SLC71A2: variants seen among roughly 807,000 people sequenced by gnomAD.
SLC71A2 encodes hippocampus abundant transcript-like 1.
chr9:94,434,258 T>C, the SLC71A2 span, among the ~76,000 whole-genome samples: 1 of 152,202 alleles, frequency 6.6e-6, no homozygotes, highest in Admixed American at 6.5e-5. Flanking sequence ...TTACCACTAA[T>C]GTGCAACAAT....
the SLC71A2 span, among the ~76,000 whole-genome samples, chr9:94,393,866 T>G: frequency 1.2e-5 from 1 of 82,900 alleles, no homozygotes; most frequent in Non-Finnish European, 2.7e-5. Flanking sequence ...GAGCGTATAT[T>G]TCCATTTATA....
chr9:94,415,935 A>G, the SLC71A2 span, among the ~76,000 whole-genome samples: 2 of 152,256 alleles, frequency 1.3e-5, no homozygotes, highest in African/African-American at 2.4e-5. Flanking sequence ...ACTTAAGAAC[A>G]TAGTAAATAG....
chr9:94,395,585 G>T, the SLC71A2 span, among the ~76,000 whole-genome samples: 102 of 152,250 alleles, frequency 6.7e-4, 1 homozygote, highest in Non-Finnish European at 1.2e-3. Flanking sequence ...GTCTCAAGAT[G>T]ACTGAGCAAC....
At chr9:94,376,010 C>G in the SLC71A2 span, among the ~76,000 whole-genome samples, 1 of 150,200 alleles carries the variant, frequency 6.7e-6, no homozygotes, top group Non-Finnish European at 1.5e-5. Context: ...GAAGTCCCCT[C>G]CCAGCCCAAG....
chr9:94,453,542 A>G, the SLC71A2 span, among the ~76,000 whole-genome samples: 10 of 152,308 alleles, frequency 6.6e-5, no homozygotes, highest in South Asian at 1.4e-3. Context: ...TTACATCCCA[A>G]TTCCAACTTT....
chr9:94,378,850 G>T, the SLC71A2 span, among the ~76,000 whole-genome samples: 5 of 151,108 alleles, frequency 3.3e-5, no homozygotes, highest in African/African-American at 1.2e-4. Flanking sequence ...TTCTGTGGAA[G>T]AATTTGTGTA....
chr9:94,421,775 C>T, the SLC71A2 span, among the ~76,000 whole-genome samples: 2 of 152,132 alleles, frequency 1.3e-5, no homozygotes, highest in Non-Finnish European at 2.9e-5. Flanking sequence ...CTTTCCTTCT[C>T]GTGAACTAGA....
the SLC71A2 span, among the ~76,000 whole-genome samples, chr9:94,441,575 T>C: frequency 1.3e-5 from 2 of 152,172 alleles, no homozygotes; most frequent in African/African-American, 4.8e-5. Context: ...TTTAAAAAAT[T>C]AGTTTGATTT....
chr9:94,405,498 CAAAAAA>C, the SLC71A2 span, among the ~76,000 whole-genome samples: 3 of 59,822 alleles, frequency 5.0e-5, no homozygotes, highest in Admixed American at 1.9e-4. Flanking sequence ...GACTCCGTCT[CAAAAAA>C]AAAAAAAAAA....
At chr9:94,454,120 G>A in the SLC71A2 span, 9 of 1,318,174 alleles carry the variant, frequency 6.8e-6, no homozygotes, top group East Asian at 1.8e-4. Context: ...ATGCCTCTTA[G>A]AGGAGCTTGG....
chr9:94,458,012 A>G, the SLC71A2 span, among the ~76,000 whole-genome samples: 1 of 152,226 alleles, frequency 6.6e-6, no homozygotes, highest in African/African-American at 2.4e-5. Flanking sequence ...TTGTTGTGAA[A>G]GCACCAGTAA....
At chr9:94,386,123 A>G in the SLC71A2 span, among the ~76,000 whole-genome samples, 1 of 152,074 alleles carries the variant, frequency 6.6e-6, no homozygotes, top group South Asian at 2.1e-4. Flanking sequence ...TTTAGGTGAA[A>G]TTTGTTTTCG....
chr9:94,401,217 C>G, the SLC71A2 span, among the ~76,000 whole-genome samples: 3 of 152,220 alleles, frequency 2.0e-5, no homozygotes, highest in African/African-American at 7.2e-5. Flanking sequence ...GTCACCCAGG[C>G]TGGAGTGCAG....
chr9:94,425,510 G>A, the SLC71A2 span, among the ~76,000 whole-genome samples: 3 of 152,172 alleles, frequency 2.0e-5, no homozygotes, highest in Admixed American at 1.3e-4. Context: ...ATCATGGGGC[G>A]TTGAAGCTGT....
the SLC71A2 span, among the ~76,000 whole-genome samples, chr9:94,434,842 A>G: frequency 1.3e-5 from 2 of 152,184 alleles, no homozygotes; most frequent in Non-Finnish European, 2.9e-5. Context: ...TAATTTGCCC[A>G]TTGTTTCACA....
At chr9:94,401,151 A>G in the SLC71A2 span, among the ~76,000 whole-genome samples, 1 of 151,640 alleles carries the variant, frequency 6.6e-6, no homozygotes, top group African/African-American at 2.4e-5. Flanking sequence ...AGAAAAGAGG[A>G]CCCTCAAACA....
chr9:94,424,727 C>CTTTTT, the SLC71A2 span, among the ~76,000 whole-genome samples: 8 of 91,818 alleles, frequency 8.7e-5, no homozygotes, highest in South Asian at 4.1e-4. Context: ...TTGTTTTCTG[C>CTTTTT]TTTTTTTTTT....
chr9:94,401,973 C>T, the SLC71A2 span, among the ~76,000 whole-genome samples: 16 of 152,274 alleles, frequency 1.1e-4, no homozygotes, highest in East Asian at 2.5e-3. Context: ...AGGGTAACTT[C>T]CTGACGTTGC....
At chr9:94,396,826 A>G in the SLC71A2 span, among the ~76,000 whole-genome samples, 1 of 152,156 alleles carries the variant, frequency 6.6e-6, no homozygotes, top group Non-Finnish European at 1.5e-5. Context: ...GCTGGAGTGC[A>G]CTGGCAGGAT....
Sources: allele counts gnomAD v4.1 joint callset (sites outside exome capture counted in the v4.1 genomes callset), GRCh38; gene constraint gnomAD v4.1.1; transcripts MANE v1.5; gene names NCBI Gene and HGNC (gene_info 2026-07-23, HGNC 2026-07-21).